Variants in MAD1L1 observed in about 807,000 individuals in gnomAD.
MAD1L1 encodes the protein mitotic arrest deficient 1 like 1, also known as mitotic spindle assembly checkpoint protein MAD1.
MAD1L1 carries 95 observed loss-of-function variants against 96.9 expected under a neutral mutation model. That is an observed-to-expected ratio of 0.98 (90% confidence interval 0.83 to 1.16). MAD1L1 has a LOEUF of 1.16. Among genes scored for constraint, MAD1L1 ranks in the 50% most tolerant of loss-of-function variants. The pLI, the probability that MAD1L1 is intolerant of heterozygous loss-of-function variation, is 0.00. For missense variants in MAD1L1, 1,007 were observed against 954.4 expected (o/e 1.06, Z -0.73); for synonymous variants, 473 against 396.6 (o/e 1.19, Z -2.29).
chr7:1,840,277 C>G (rs1562443732), intron 18 of MAD1L1, among the ~76,000 whole-genome samples: 2 of 152,228 alleles, frequency 1.3e-5, no homozygotes, highest in Non-Finnish European at 2.9e-5. Flanking sequence ...CCCAGCCAGA[C>G]AAACTCTAAT....
intron 10 of MAD1L1, among the ~76,000 whole-genome samples, chr7:2,163,843 C>T (rs1245576883): frequency 6.6e-6 from 1 of 152,120 alleles, no homozygotes; most frequent in Non-Finnish European, 1.5e-5. Flanking sequence ...AAGCATCTCC[C>T]TCATCCATGC....
intron 14 of MAD1L1, among the ~76,000 whole-genome samples, chr7:2,001,482 A>G (rs1273620130): frequency 6.6e-6 from 1 of 152,250 alleles, no homozygotes; most frequent in Non-Finnish European, 1.5e-5. Flanking sequence ...CCACGGGCCC[A>G]CACTGCGGGC....
At chr7:1,841,032 G>A (rs559471381) in intron 18 of MAD1L1, among the ~76,000 whole-genome samples, 5 of 152,298 alleles carry the variant, frequency 3.3e-5, no homozygotes, top group South Asian at 2.1e-4. Flanking sequence ...CTCCACTGCC[G>A]GCGGCTGGTG....
At chr7:1,927,670 C>T (rs1789168601) in intron 17 of MAD1L1, among the ~76,000 whole-genome samples, 3 of 152,270 alleles carry the variant, frequency 2.0e-5, no homozygotes, top group African/African-American at 7.2e-5. Flanking sequence ...CTCAAGCTCA[C>T]ACCATGGGCA....
chr7:2,165,046 A>G (rs1280621021), intron 10 of MAD1L1, among the ~76,000 whole-genome samples: 6 of 152,148 alleles, frequency 3.9e-5, no homozygotes, highest in Non-Finnish European at 7.3e-5. Flanking sequence ...AAAGGTGGGC[A>G]ATACAAATAC....
intron 12 of MAD1L1, among the ~76,000 whole-genome samples, chr7:2,056,761 T>C (rs1784403970): frequency 6.6e-6 from 1 of 152,088 alleles, no homozygotes; most frequent in South Asian, 2.1e-4. Flanking sequence ...GGGGGACTGT[T>C]GTGGGGCCAC....
intron 12 of MAD1L1, among the ~76,000 whole-genome samples, chr7:2,059,594 C>T (rs577767988): frequency 7.2e-5 from 8 of 111,240 alleles, no homozygotes; most frequent in African/African-American, 1.1e-4. Context: ...AGGAGAGGCA[C>T]GGGGCTGGTG....
At chr7:2,081,902 G>A (rs1226085486) in intron 11 of MAD1L1, among the ~76,000 whole-genome samples, 2 of 152,216 alleles carry the variant, frequency 1.3e-5, no homozygotes, top group Non-Finnish European at 2.9e-5. Flanking sequence ...GAGACAGCAG[G>A]GCACGCCTGA....
At chr7:2,194,276 A>C (rs878960407) in intron 10 of MAD1L1, among the ~76,000 whole-genome samples, 1 of 152,120 alleles carries the variant, frequency 6.6e-6, no homozygotes, top group African/African-American at 2.4e-5. Flanking sequence ...TGGATTTTTT[A>C]AACCAAAATT....
At chr7:2,205,618 T>C (rs909045830) in intron 10 of MAD1L1, among the ~76,000 whole-genome samples, 7 of 152,146 alleles carry the variant, frequency 4.6e-5, no homozygotes, top group Non-Finnish European at 7.3e-5. Context: ...GGGAGACAGA[T>C]GTGAGAGTTA....
intron 12 of MAD1L1, among the ~76,000 whole-genome samples, chr7:2,057,521 G>A (rs73047078): frequency 0.09 from 8,328 of 92,170 alleles, 304 homozygotes; most frequent in South Asian, 0.16. Flanking sequence ...TCCCCCCACC[G>A]CCCCCCCAAA....
chr7:2,220,972 G>A (rs1793573014), intron 5 of MAD1L1: 1 of 1,612,390 alleles, frequency 6.2e-7, no homozygotes, highest in African/African-American at 1.3e-5. Flanking sequence ...CAGTTGGCAA[G>A]GAAGAGGCGC....
chr7:2,022,557 G>GAA (rs60897368), intron 12 of MAD1L1, among the ~76,000 whole-genome samples: 18 of 149,038 alleles, frequency 1.2e-4, no homozygotes, highest in Admixed American at 9.3e-4. Flanking sequence ...GTCTCCAAAA[G>GAA]AAAAAAAAAA....
intron 12 of MAD1L1, among the ~76,000 whole-genome samples, chr7:2,036,784 G>A (rs1332829678): frequency 6.6e-6 from 1 of 152,170 alleles, no homozygotes; most frequent in Non-Finnish European, 1.5e-5. Context: ...AGTACAGGGA[G>A]CCCAAGCAGG....
intron 12 of MAD1L1, among the ~76,000 whole-genome samples, chr7:2,057,241 A>G (rs1182357906): frequency 6.6e-6 from 1 of 152,194 alleles, no homozygotes; most frequent in Non-Finnish European, 1.5e-5. Flanking sequence ...GAATCTGGGG[A>G]ATGACCGAGC....
intron 10 of MAD1L1, among the ~76,000 whole-genome samples, chr7:2,164,543 T>C (rs1225921003): frequency 7.6e-6 from 1 of 130,814 alleles, no homozygotes; most frequent in Non-Finnish European, 1.5e-5. Context: ...ACAGCAGATA[T>C]GTTAAGTGAC....
intron 11 of MAD1L1, among the ~76,000 whole-genome samples, chr7:2,133,226 C>T (rs569622866): frequency 6.6e-6 from 1 of 151,498 alleles, no homozygotes; most frequent in South Asian, 2.1e-4. Context: ...CAATGCTGAG[C>T]ATCTCCTCAT....
intron 11 of MAD1L1, among the ~76,000 whole-genome samples, chr7:2,116,340 A>C (rs1175811748): frequency 6.6e-6 from 1 of 152,166 alleles, no homozygotes; most frequent in East Asian, 1.9e-4. Context: ...GAAGCACCTA[A>C]AGTGGGCTGC....
intron 11 of MAD1L1, among the ~76,000 whole-genome samples, chr7:2,092,230 C>T (rs1035055223): frequency 6.6e-6 from 1 of 152,172 alleles, no homozygotes. Flanking sequence ...TTGCAATCCC[C>T]CAAAGACAAA....
Sources: gnomAD v4.1 joint callset for allele counts (sites outside exome capture counted in the v4.1 genomes callset) on GRCh38, gnomAD v4.1.1 for gene constraint, MANE v1.5 for transcripts, NCBI Gene and HGNC (gene_info 2026-07-23, HGNC 2026-07-21) for gene names.